The following DIS3L2 variants were observed in gnomAD, a reference collection of about 807,000 sequenced individuals.
The protein encoded by DIS3L2 is DIS3-like exonuclease 2.
In DIS3L2, 34 loss-of-function variants were observed where a neutral mutation model predicts 97.5. The ratio of observed to expected loss-of-function variants is 0.35; its 90% confidence interval spans 0.27 to 0.46. The LOEUF is 0.46. Among genes scored for constraint, DIS3L2 ranks in the 20% least tolerant of loss-of-function variants. DIS3L2 has a pLI of 1.00. For missense variants in DIS3L2, 1,038 were observed against 1,146.0 expected (o/e 0.91, Z 1.36); for synonymous variants, 435 against 445.2 (o/e 0.98, Z 0.29).
intron 9 of DIS3L2, among the ~76,000 whole-genome samples, chr2:232,199,847 G>C (rs916220341): frequency 6.6e-6 from 1 of 152,074 alleles, no homozygotes; most frequent in Non-Finnish European, 1.5e-5. Flanking sequence ...ACCATTTAAA[G>C]TTTTAAATAT....
At chr2:232,266,424 GAA>G (rs1371628144) in intron 13 of DIS3L2, among the ~76,000 whole-genome samples, 1 of 150,228 alleles carries the variant, frequency 6.7e-6, no homozygotes, top group Non-Finnish European at 1.5e-5. Context: ...ACTTGAGAGA[GAA>G]AAACATTTTC....
chr2:232,193,488 A>AT (rs1345658371), intron 9 of DIS3L2, among the ~76,000 whole-genome samples: 4 of 152,218 alleles, frequency 2.6e-5, no homozygotes, highest in Non-Finnish European at 5.9e-5. Context: ...GCTTGATAAA[A>AT]TATTGCCCCT....
At chr2:232,277,790 T>C (rs1428069375) in intron 13 of DIS3L2, among the ~76,000 whole-genome samples, 1 of 152,228 alleles carries the variant, frequency 6.6e-6, no homozygotes, top group Non-Finnish European at 1.5e-5. Flanking sequence ...CTAGATGGGA[T>C]AGCCTACGAC....
At chr2:232,313,928 T>C (rs896495129) in intron 14 of DIS3L2, among the ~76,000 whole-genome samples, 3 of 152,244 alleles carry the variant, frequency 2.0e-5, no homozygotes, top group East Asian at 1.9e-4. Context: ...TTCACTATCA[T>C]GAGAACAGCA....
chr2:232,043,201 T>G (rs1695154674), intron 5 of DIS3L2, among the ~76,000 whole-genome samples: 1 of 152,146 alleles, frequency 6.6e-6, no homozygotes, highest in African/African-American at 2.4e-5. Flanking sequence ...TTGCATTATC[T>G]TTACTCCAAA....
At chr2:232,001,265 T>C (rs529122787) in intron 1 of DIS3L2, among the ~76,000 whole-genome samples, 4 of 152,334 alleles carry the variant, frequency 2.6e-5, no homozygotes, top group Non-Finnish European at 4.4e-5. Context: ...TATGAGGTAA[T>C]ATCTCACTGT....
intron 9 of DIS3L2, among the ~76,000 whole-genome samples, chr2:232,201,053 G>GT (rs1352691349): frequency 4.6e-5 from 7 of 152,246 alleles, no homozygotes; most frequent in Non-Finnish European, 1.0e-4. Flanking sequence ...GGGATTACAG[G>GT]CGTGAGCCAC....
At chr2:232,213,083 G>C (rs1055890087) in intron 10 of DIS3L2, among the ~76,000 whole-genome samples, 1 of 152,150 alleles carries the variant, frequency 6.6e-6, no homozygotes, top group African/African-American at 2.4e-5. Flanking sequence ...GATGCAGTCC[G>C]TGGAACTATA....
rs563218498 is a variant in DIS3L2, at chr2:232,144,539, G to A, written c.950+7820G>A. Among the ~76,000 whole-genome samples, 9 of 152,106 alleles carry A rather than the reference G, an allele frequency of 5.9e-5. No homozygotes were observed. In the South Asian group the frequency reaches 1.9e-3, roughly 32 times the overall value. On this transcript the variant is annotated intron_variant, in intron 8 of 20. Transcript: ENST00000325385. ...ACAGAAATTGCAAAAATGGAACAGA[G>A]AGTTCCTGTATATCTTTTAACCTAT...
At chr2:232,228,712 A>G (rs1692712480) in intron 10 of DIS3L2, among the ~76,000 whole-genome samples, 1 of 152,212 alleles carries the variant, frequency 6.6e-6, no homozygotes, top group Non-Finnish European at 1.5e-5. Context: ...AGAGGTACAC[A>G]GGTGGCTGGG....
At chr2:232,052,766 A>G (rs903276010) in intron 5 of DIS3L2, among the ~76,000 whole-genome samples, 2 of 152,120 alleles carry the variant, frequency 1.3e-5, no homozygotes, top group African/African-American at 4.8e-5. Flanking sequence ...TATCTTTACA[A>G]TTGTTATTCA....
intron 1 of DIS3L2, among the ~76,000 whole-genome samples, chr2:231,997,237 C>A (rs1005094184): frequency 6.6e-6 from 1 of 152,160 alleles, no homozygotes; most frequent in Admixed American, 6.5e-5. Context: ...ATTTCTATTC[C>A]AGAGCTTTTC....
chr2:232,181,576 G>A lies in DIS3L2; in HGVS notation c.1124+17944G>A, dbSNP rs556099092. ...CATTTCATTCACTTCATCTTCCATCGCTGATAGCCTTTCTTCCAGTTGATC... is the reference window on the plus strand; with the variant it reads ...CATTTCATTCACTTCATCTTCCATCACTGATAGCCTTTCTTCCAGTTGATC... On this transcript the variant is annotated intron_variant, in intron 9 of 20. Transcript: ENST00000325385. 3.6e-3 allele frequency among the ~76,000 whole-genome samples: 548 copies of A among 151,750 alleles called. 1 individual carries two copies. The highest frequency in any genetic ancestry group is 4.2e-3 in the African/African-American group (172 of 41,386).
intron 5 of DIS3L2, among the ~76,000 whole-genome samples, chr2:232,047,127 C>T (rs1402606004): frequency 2.0e-5 from 3 of 152,168 alleles, no homozygotes; most frequent in African/African-American, 7.2e-5. Context: ...GTTTTGAAGT[C>T]TTTTTGACAA....
intron 9 of DIS3L2, among the ~76,000 whole-genome samples, chr2:232,188,195 A>G (rs1385887662): frequency 2.0e-5 from 3 of 152,184 alleles, no homozygotes; most frequent in Non-Finnish European, 4.4e-5. Flanking sequence ...TGAATGTATA[A>G]ACAAAGTGTT....
intron 6 of DIS3L2, among the ~76,000 whole-genome samples, chr2:232,089,082 G>A (rs534470477): frequency 6.6e-6 from 1 of 152,330 alleles, no homozygotes; most frequent in African/African-American, 2.4e-5. Flanking sequence ...CGTAAAGAAA[G>A]CCGAAGGTAT....
At chr2:232,126,401 A>G (rs2106346040) in intron 6 of DIS3L2, among the ~76,000 whole-genome samples, 1 of 152,330 alleles carries the variant, frequency 6.6e-6, no homozygotes, top group Non-Finnish European at 1.5e-5. Context: ...GCAGGCCAAG[A>G]CTTGTAGGAT....
rs536576967 is a variant in DIS3L2 at position 232,122,444 on chromosome 2, C to T, written c.602-8175C>T. 5.9e-5 allele frequency among the ~76,000 whole-genome samples: 9 copies of T among 152,280 alleles called. No homozygotes were observed. The South Asian group carries it at 1.9e-3, about 32-fold the overall frequency. On this transcript the variant is annotated intron_variant, in intron 6 of 20. Coordinates refer to ENST00000325385, the MANE Select transcript of DIS3L2 (RefSeq NM_152383.5). Reference sequence around the variant, plus strand: ...CTTATAACTCGCTACAGGCCAGGCACGGTGGCTCACGCCTGTAATCCCAGC... The same window carrying T: ...CTTATAACTCGCTACAGGCCAGGCATGGTGGCTCACGCCTGTAATCCCAGC...
At chr2:232,169,643 C>T (rs917572013) in intron 9 of DIS3L2, among the ~76,000 whole-genome samples, 2 of 152,186 alleles carry the variant, frequency 1.3e-5, no homozygotes, top group Non-Finnish European at 2.9e-5. Flanking sequence ...AGATCCTTCT[C>T]TAACAGGGCT....
Sources: allele counts gnomAD v4.1 joint callset (sites outside exome capture counted in the v4.1 genomes callset), GRCh38; gene constraint gnomAD v4.1.1; transcripts MANE v1.5; gene names NCBI Gene and HGNC (gene_info 2026-07-23, HGNC 2026-07-21).